The following NR2F1-AS1 variants were observed in gnomAD, a reference collection of about 807,000 sequenced individuals.
NR2F1-AS1 encodes NR2F1 antisense RNA 1.
chr5:93,449,236 GGGTTA>G (rs1165656700), intron 4 of NR2F1-AS1, among the ~76,000 whole-genome samples: 1 of 151,932 alleles, frequency 6.6e-6, no homozygotes, highest in Non-Finnish European at 1.5e-5. Flanking sequence ...TAAAAATAAT[GGGTTA>G]TATGCTAGAT....
chr5:93,567,239 G>A (rs1258209687), intron 1 of NR2F1-AS1, among the ~76,000 whole-genome samples: 1 of 151,390 alleles, frequency 6.6e-6, no homozygotes, highest in South Asian at 2.1e-4. Flanking sequence ...TTTTTTTCCT[G>A]GGTTAAACGG....
chr5:93,512,704 T>C lies in NR2F1-AS1; in HGVS notation n.638+41057A>G, dbSNP rs116849645. ...TTTTATCTTTTATGCTGTATTTTTA[T>C]CGTAGTTTTTCTATGTTTTGATACA... On this transcript the variant is annotated intron_variant and non_coding_transcript_variant, in intron 4 of 5. Coordinates refer to ENST00000660523, the Ensembl canonical transcript of NR2F1-AS1. 1.6e-3 allele frequency among the ~76,000 whole-genome samples: 243 copies of C among 152,312 alleles called. 3 individuals carry two copies. In the East Asian group the frequency reaches 0.044, roughly 28 times the overall value.
At chr5:93,557,170 G>C (rs1243352238) in intron 2 of NR2F1-AS1, among the ~76,000 whole-genome samples, 1 of 152,186 alleles carries the variant, frequency 6.6e-6, no homozygotes, top group African/African-American at 2.4e-5. Flanking sequence ...GGATAAGAGA[G>C]TAAAATGAAG....
intron 4 of NR2F1-AS1, among the ~76,000 whole-genome samples, chr5:93,510,566 T>C (rs1298042238): frequency 6.6e-6 from 1 of 152,182 alleles, no homozygotes; most frequent in Non-Finnish European, 1.5e-5. Context: ...TTTGTGACTT[T>C]TAATGGGTCT....
intron 1 of NR2F1-AS1, among the ~76,000 whole-genome samples, chr5:93,574,630 G>A (rs1752854482): frequency 6.6e-6 from 1 of 152,192 alleles, no homozygotes; most frequent in Non-Finnish European, 1.5e-5. Flanking sequence ...TAGCCACTCT[G>A]AGTTTAAAGC....
intron 4 of NR2F1-AS1, among the ~76,000 whole-genome samples, chr5:93,411,958 C>T (rs951544338): frequency 2.0e-5 from 3 of 152,106 alleles, no homozygotes; most frequent in Admixed American, 6.6e-5. Context: ...GTGAAGCAAT[C>T]GGACAAGCAA....
intron 4 of NR2F1-AS1, among the ~76,000 whole-genome samples, chr5:93,413,950 T>A (rs1748915201): frequency 6.6e-6 from 1 of 152,190 alleles, no homozygotes; most frequent in South Asian, 2.1e-4. Context: ...TGAGTTAGGA[T>A]GCAAGCAAGA....
chr5:93,529,172 A>T (rs1751683387), intron 4 of NR2F1-AS1, among the ~76,000 whole-genome samples: 1 of 152,186 alleles, frequency 6.6e-6, no homozygotes, highest in Non-Finnish European at 1.5e-5. Context: ...TTCTCACATA[A>T]TGCAAATGAC....
intron 2 of NR2F1-AS1, among the ~76,000 whole-genome samples, chr5:93,560,889 AG>A (rs2149919197): frequency 6.6e-6 from 1 of 152,386 alleles, no homozygotes; most frequent in East Asian, 1.9e-4. Context: ...CTACATATAA[AG>A]AAGTAGAAGA....
chr5:93,430,664 C>T (rs1386204636), intron 4 of NR2F1-AS1, among the ~76,000 whole-genome samples: 1 of 152,076 alleles, frequency 6.6e-6, no homozygotes, highest in African/African-American at 2.4e-5. Flanking sequence ...AATGGTGTGG[C>T]CCAGTAAACT....
At chr5:93,572,231 C>G (rs1752786567) in intron 1 of NR2F1-AS1, among the ~76,000 whole-genome samples, 3 of 152,234 alleles carry the variant, frequency 2.0e-5, no homozygotes. Context: ...GGGCGCGTGC[C>G]TCTGTCCTGG....
chr5:93,557,141 A>G (rs1195693300), intron 2 of NR2F1-AS1, among the ~76,000 whole-genome samples: 2 of 152,222 alleles, frequency 1.3e-5, no homozygotes, highest in African/African-American at 4.8e-5. Flanking sequence ...CAGAGAATGT[A>G]ATCATTCTAT....
intron 4 of NR2F1-AS1, among the ~76,000 whole-genome samples, chr5:93,527,159 C>A (rs1337280078): frequency 1.3e-5 from 2 of 152,170 alleles, no homozygotes; most frequent in Admixed American, 6.5e-5. Context: ...TCTCAGGATA[C>A]AAAATCAATG....
chr5:93,423,487 G>A (rs2149843462), intron 4 of NR2F1-AS1, among the ~76,000 whole-genome samples: 1 of 152,224 alleles, frequency 6.6e-6, no homozygotes, highest in East Asian at 1.9e-4. Flanking sequence ...TCAGTCAACA[G>A]CCTTACCCCA....
chr5:93,512,494 GAAGAA>G (rs1751319089), intron 4 of NR2F1-AS1, among the ~76,000 whole-genome samples: 1 of 152,022 alleles, frequency 6.6e-6, no homozygotes, highest in Admixed American at 6.6e-5. Context: ...ATTTTTGAAG[GAAGAA>G]AAGTATTTCT....
intron 4 of NR2F1-AS1, among the ~76,000 whole-genome samples, chr5:93,515,067 G>A (rs1482592685): frequency 6.6e-6 from 1 of 151,870 alleles, no homozygotes; most frequent in Non-Finnish European, 1.5e-5. Context: ...AGTTCCCAAA[G>A]TCATATTTTC....
intron 4 of NR2F1-AS1, among the ~76,000 whole-genome samples, chr5:93,493,496 T>C (rs1227619331): frequency 1.3e-5 from 2 of 152,052 alleles, no homozygotes; most frequent in Non-Finnish European, 2.9e-5. Flanking sequence ...CAATCTACAG[T>C]TCCTCAAATT....
chr5:93,440,497 G>A (rs940419544), intron 4 of NR2F1-AS1, among the ~76,000 whole-genome samples: 3 of 152,212 alleles, frequency 2.0e-5, no homozygotes, highest in South Asian at 2.1e-4. Context: ...GGTTTCTCCC[G>A]CCTTCAGACT....
At chr5:93,542,724 T>C (rs1751981105) in intron 4 of NR2F1-AS1, 1 of 152,170 alleles carries the variant, frequency 6.6e-6, no homozygotes, top group South Asian at 2.1e-4. Context: ...CCTAAGCCAA[T>C]TTGCCTTGAG....
Sources: gnomAD v4.1 joint callset for allele counts (sites outside exome capture counted in the v4.1 genomes callset) on GRCh38, gnomAD v4.1.1 for gene constraint, MANE v1.5 for transcripts, NCBI Gene and HGNC (gene_info 2026-07-23, HGNC 2026-07-21) for gene names.